TMEM232: variants seen among roughly 807,000 people sequenced by gnomAD.
TMEM232 encodes transmembrane protein 232.
TMEM232 carries 80 observed loss-of-function variants against 78.8 expected under a neutral mutation model. That is an observed-to-expected ratio of 1.01 (90% confidence interval 0.85 to 1.22). TMEM232 has a LOEUF of 1.22. Among genes scored for constraint, TMEM232 ranks in the 50% most tolerant of loss-of-function variants. The pLI, the probability that TMEM232 is intolerant of heterozygous loss-of-function variation, is 0.00. For missense variants in TMEM232, 881 were observed against 742.2 expected, an observed-to-expected ratio of 1.19 and a Z score of -2.17; for synonymous variants, 297 against 254.3, an observed-to-expected ratio of 1.17 and a Z score of -1.60.
chr5:110,679,751 CATT>C (rs1792481705), intron 1 of TMEM232, among the ~76,000 whole-genome samples: 1 of 55,724 alleles, frequency 1.8e-5, no homozygotes, highest in African/African-American at 3.3e-5. Flanking sequence ...TATTTTCACT[CATT>C]AATATATATA....
At chr5:110,610,439 A>C (rs905307150) in intron 8 of TMEM232, 9 of 255,346 alleles carry the variant, frequency 3.5e-5, no homozygotes, top group African/African-American at 2.1e-4. Flanking sequence ...ATAAATAAAA[A>C]CCCCTAAGCA....
chr5:110,631,660 C>A (rs1322177121), intron 5 of TMEM232, among the ~76,000 whole-genome samples: 6 of 152,190 alleles, frequency 3.9e-5, no homozygotes, highest in Non-Finnish European at 5.9e-5. Context: ...AGCTCATGTG[C>A]AAAGGGCAGG....
chr5:110,678,902 A>G (rs114676553), intron 1 of TMEM232, among the ~76,000 whole-genome samples: 168 of 152,292 alleles, frequency 1.1e-3, no homozygotes, highest in African/African-American at 3.8e-3. Flanking sequence ...ATACTGATGT[A>G]CCACTGTTTT....
intron 4 of TMEM232, among the ~76,000 whole-genome samples, chr5:110,639,913 C>T (rs1786426712): frequency 2.6e-5 from 4 of 152,232 alleles, no homozygotes; most frequent in Non-Finnish European, 5.9e-5. Flanking sequence ...TGCTCGCTCC[C>T]TGGCTGCTCA....
chr5:110,606,395 T>C, intron 8 of TMEM232, 108 bp from the exon 9 acceptor site: 1 of 1,098,884 alleles, frequency 9.1e-7, no homozygotes, highest in Non-Finnish European at 1.2e-6. Flanking sequence ...CATGTCTGCA[T>C]TACCAGATAC....
intron 12 of TMEM232, among the ~76,000 whole-genome samples, chr5:110,467,243 T>G (rs1762180141): frequency 6.6e-6 from 1 of 152,178 alleles, no homozygotes; most frequent in African/African-American, 2.4e-5. Flanking sequence ...AGAGGTAGGC[T>G]AACCCTCCCC....
At chr5:110,689,615 C>A (rs1448704252) in intron 1 of TMEM232, among the ~76,000 whole-genome samples, 2 of 152,062 alleles carry the variant, frequency 1.3e-5, no homozygotes, top group Admixed American at 1.3e-4. Flanking sequence ...ACTTTCTTCA[C>A]AGAATTAGGA....
chr5:110,625,223 A>T, intron 7 of TMEM232, 44 bp downstream of exon 7: 1 of 1,432,370 alleles, frequency 7.0e-7, no homozygotes, highest in Non-Finnish European at 9.2e-7. Flanking sequence ...ATGATATCTG[A>T]TGCATCAGGC....
At chr5:110,711,817 A>T (rs1457886415) in intron 1 of TMEM232, among the ~76,000 whole-genome samples, 1 of 152,142 alleles carries the variant, frequency 6.6e-6, no homozygotes, top group African/African-American at 2.4e-5. Flanking sequence ...TTTAAGAATC[A>T]AACTCTGGGC....
chr5:110,624,150 T>G (rs1367870012), intron 7 of TMEM232, among the ~76,000 whole-genome samples: 1 of 152,144 alleles, frequency 6.6e-6, no homozygotes, highest in African/African-American at 2.4e-5. Context: ...AGGAAGAACA[T>G]TCCAATCACA....
At chr5:110,466,498 T>C (rs720402) in intron 12 of TMEM232, among the ~76,000 whole-genome samples, 25,858 of 152,058 alleles carry the variant, frequency 0.17, 2,820 homozygotes, top group East Asian at 0.42. Context: ...CATGAGTTTA[T>C]TTACTCAACA....
intron 1 of TMEM232, among the ~76,000 whole-genome samples, chr5:110,719,064 A>G (rs1464628603): frequency 2.6e-5 from 4 of 152,070 alleles, no homozygotes; most frequent in Non-Finnish European, 4.4e-5. Flanking sequence ...AGCACCTACT[A>G]CACACCTAGG....
rs75526414 is a variant in TMEM232 at position 110,660,854 on chromosome 5, C to T, written c.125+6374G>A. 5.5e-3 allele frequency among the ~76,000 whole-genome samples: 834 copies of T among 152,248 alleles called. 3 individuals are homozygous for T. The highest frequency in any genetic ancestry group is 8.0e-3 in the Non-Finnish European group (544 of 68,000). On this transcript the variant is annotated intron_variant, in intron 2 of 13. Transcript: ENST00000455884. ...TTGTGTTAGGAACATTGCAATACCACTCTTTCAGTAATTTTGAAATATACA... is the reference window on the plus strand; with the variant it reads ...TTGTGTTAGGAACATTGCAATACCATTCTTTCAGTAATTTTGAAATATACA...
At chr5:110,425,246 A>G (rs762067856) in intron 12 of TMEM232, among the ~76,000 whole-genome samples, 2 of 152,134 alleles carry the variant, frequency 1.3e-5, no homozygotes, top group Non-Finnish European at 2.9e-5. Context: ...ATGTGATTTC[A>G]ATACATTTCC....
chr5:110,466,779 AT>A (rs893550183), intron 12 of TMEM232, among the ~76,000 whole-genome samples: 3 of 150,518 alleles, frequency 2.0e-5, no homozygotes, highest in Admixed American at 6.6e-5. Flanking sequence ...CGCCCGGCTA[AT>A]TTTTTTTTGT....
At chr5:110,532,321 T>G (rs529297753) in intron 11 of TMEM232, among the ~76,000 whole-genome samples, 3 of 151,606 alleles carry the variant, frequency 2.0e-5, no homozygotes, top group African/African-American at 7.3e-5. Flanking sequence ...AGACTGACGC[T>G]GCCCGATCGC....
At chr5:110,628,730 G>A (rs1332814946) in intron 5 of TMEM232, among the ~76,000 whole-genome samples, 1 of 148,860 alleles carries the variant, frequency 6.7e-6, no homozygotes, top group African/African-American at 2.5e-5. Flanking sequence ...AGCAATGCAG[G>A]GTATCATGTA....
chr5:110,659,775 T>C (rs1322385006), intron 2 of TMEM232, among the ~76,000 whole-genome samples: 1 of 152,166 alleles, frequency 6.6e-6, no homozygotes, highest in African/African-American at 2.4e-5. Flanking sequence ...GAATGTAAGA[T>C]ATAATTTGTT....
chr5:110,612,644 C>A (rs1782454248), intron 8 of TMEM232, among the ~76,000 whole-genome samples: 1 of 152,110 alleles, frequency 6.6e-6, no homozygotes, highest in African/African-American at 2.4e-5. Context: ...AACAGTATGT[C>A]TGGAAAACAC....
Sources: allele counts gnomAD v4.1 joint callset (sites outside exome capture counted in the v4.1 genomes callset), GRCh38; gene constraint gnomAD v4.1.1; transcripts MANE v1.5; gene names NCBI Gene and HGNC (gene_info 2026-07-23, HGNC 2026-07-21).